ABLIM1: variants seen among roughly 807,000 people sequenced by gnomAD.
ABLIM1 encodes actin binding LIM protein 1.
In ABLIM1, 40 loss-of-function variants were observed where a neutral mutation model predicts 107.0. The observed-to-expected ratio is 0.37, with a 90% CI of 0.29 to 0.49. The LOEUF is 0.49. Ranked by LOEUF, ABLIM1 falls within the 20% of genes least tolerant of loss-of-function variation. The pLI, the probability that ABLIM1 is intolerant of heterozygous loss-of-function variation, is 0.97. For synonymous variants in ABLIM1, 357 were observed against 357.3 expected (o/e 1.00, Z 0.01); for missense variants, 857 against 1,008.5 (o/e 0.85, Z 2.04).
intron 4 of ABLIM1, among the ~76,000 whole-genome samples, chr10:114,564,680 G>T (rs2070394762): frequency 6.6e-6 from 1 of 152,110 alleles, no homozygotes; most frequent in Non-Finnish European, 1.5e-5. Flanking sequence ...CCAATTTACA[G>T]ACGAGGGCGC....
Position 114,491,012 on chromosome 10 carries a change from G to GTGTGTATATATATATATATATATATA in ABLIM1, c.982+778_982+779insTATATATATATATATATATATACACA. Among the ~76,000 whole-genome samples the GTGTGTATATATATATATATATATATA allele has an allele frequency of 1.3e-3, 121 of 92,320 alleles. 1 individual carries two copies. The highest frequency in any genetic ancestry group is 2.5e-3 in the African/African-American group (54 of 21,664). 60.6% of individuals were successfully genotyped at this position (92,320 alleles called of 152,430 possible). ...TGTGTGTGTGTGTGTGTGTGTGTGT[G>GTGTGTATATATATATATATATATATA]TATATATATATATGGTCTATTTTAT... On this transcript the variant is annotated intron_variant, in intron 7 of 22. Coordinates refer to ENST00000533213, the MANE Select transcript of ABLIM1 (RefSeq NM_002313.7).
intron 1 of ABLIM1, among the ~76,000 whole-genome samples, chr10:114,718,111 G>GGAAGGAAGAA (rs2081742151): frequency 3.7e-5 from 4 of 109,316 alleles, no homozygotes; most frequent in South Asian, 3.1e-4. Flanking sequence ...AAAAGAAAAA[G>GGAAGGAAGAA]AAAGAAAGAA....
intron 1 of ABLIM1, among the ~76,000 whole-genome samples, chr10:114,716,410 AACACACACACAC>A (rs56097544): frequency 7.0e-6 from 1 of 143,528 alleles, no homozygotes; most frequent in African/African-American, 2.6e-5. Context: ...GGTAGAGAGA[AACACACACACAC>A]ACACACACAC....
chr10:114,628,574 C>G (rs1201172886), intron 1 of ABLIM1, among the ~76,000 whole-genome samples: 1 of 152,166 alleles, frequency 6.6e-6, no homozygotes, highest in East Asian at 1.9e-4. Context: ...CGCTCTATCC[C>G]AAAAGCAAGT....
chr10:114,515,744 C>A (rs1244869140), intron 6 of ABLIM1, among the ~76,000 whole-genome samples: 1 of 152,156 alleles, frequency 6.6e-6, no homozygotes, highest in African/African-American at 2.4e-5. Flanking sequence ...TCCACTATGA[C>A]TGATGTCCTT....
chr10:114,657,732 A>T (rs2079590747), intron 1 of ABLIM1, among the ~76,000 whole-genome samples: 1 of 152,206 alleles, frequency 6.6e-6, no homozygotes, highest in South Asian at 2.1e-4. Flanking sequence ...TACATTTGTT[A>T]CTGAAGATCA....
At chr10:114,600,595 T>C (rs1329984881) in intron 2 of ABLIM1, among the ~76,000 whole-genome samples, 1 of 152,126 alleles carries the variant, frequency 6.6e-6, no homozygotes, top group Non-Finnish European at 1.5e-5. Flanking sequence ...TGGCTTAGGA[T>C]GACAATGCTA....
Position 114,627,072 on chromosome 10 carries a change from C to A in ABLIM1, c.245-25111G>T, listed in dbSNP as rs150244829. 1.6e-4 allele frequency among the ~76,000 whole-genome samples: 25 copies of A among 152,244 alleles called. 1 individual carries two copies. The highest frequency in any genetic ancestry group is 3.4e-3 in the Middle Eastern group (1 of 294). ...GACAATACATTTCTGTGGTTTAAGC[C>A]GCTCAGTCTGTGGTACTTTGTTGCA... On this transcript the variant is annotated intron_variant, in intron 1 of 22. Transcript: ENST00000533213.
chr10:114,792,557 C>T, the ABLIM1 span, among the ~76,000 whole-genome samples: 4 of 152,142 alleles, frequency 2.6e-5, no homozygotes, highest in African/African-American at 9.7e-5. Context: ...GCTTCCTGGA[C>T]ACCACTGCTT....
At chr10:114,783,808 C>T in the ABLIM1 span, among the ~76,000 whole-genome samples, 1 of 151,892 alleles carries the variant, frequency 6.6e-6, no homozygotes, top group African/African-American at 2.4e-5. Context: ...TACCAACACT[C>T]CTTCACTGAA....
chr10:114,439,673 C>A (rs2059924088), intron 20 of ABLIM1: 1 of 357,586 alleles, frequency 2.8e-6, no homozygotes, highest in Non-Finnish European at 5.1e-6. Context: ...GTCATGAGGG[C>A]AAACTGCTCT....
chr10:114,753,554 A>T (rs556292698), intron 1 of ABLIM1, among the ~76,000 whole-genome samples: 2 of 152,236 alleles, frequency 1.3e-5, no homozygotes, highest in African/African-American at 4.8e-5. Context: ...ATACTAATAC[A>T]GAAAGATCTC....
chr10:114,670,203 A>G (rs1483009471), intron 1 of ABLIM1, among the ~76,000 whole-genome samples: 3 of 152,076 alleles, frequency 2.0e-5, no homozygotes, highest in Non-Finnish European at 4.4e-5. Flanking sequence ...TTTCATTCAT[A>G]TCCTTCCCAA....
chr10:114,794,287 A>T, the ABLIM1 span, among the ~76,000 whole-genome samples: 1 of 152,186 alleles, frequency 6.6e-6, no homozygotes, highest in African/African-American at 2.4e-5. Context: ...TTGATATATT[A>T]TATCTCTTTT....
intron 2 of ABLIM1, among the ~76,000 whole-genome samples, chr10:114,589,113 C>G (rs997065452): frequency 6.7e-6 from 1 of 149,570 alleles, no homozygotes; most frequent in Non-Finnish European, 1.5e-5. Flanking sequence ...TTTAAAAACA[C>G]AAATTTTAAA....
chr10:114,452,623 A>G (rs926332828), intron 13 of ABLIM1, among the ~76,000 whole-genome samples: 13 of 152,208 alleles, frequency 8.5e-5, no homozygotes, highest in Admixed American at 8.5e-4. Flanking sequence ...TAGCTAAACA[A>G]AGCAAAAAAC....
rs759803760 is a variant in ABLIM1, at chr10:114,571,319, C to T, written c.651G>A (p.Pro217=). 1.1e-5 allele frequency: 18 copies of T among 1,614,068 alleles called. No individual in the cohort carries two copies. The highest frequency in any genetic ancestry group is 4.5e-5 in the East Asian group (2 of 44,896). The part of the protein sequence containing the change: ...QLCAQPMSSS[P]KETTFSSNCA... Reference sequence around the variant, plus strand: ...TACTGCTGGAGAAGGTGGTTTCTTTCGGACTGGACGACATCGGCTGTGCAC... The same window carrying T: ...TACTGCTGGAGAAGGTGGTTTCTTTTGGACTGGACGACATCGGCTGTGCAC... Residue 217 remains proline, a synonymous_variant, in exon 4 of 23, where the codon CCG becomes CCA. Coordinates refer to ENST00000533213, the MANE Select transcript of ABLIM1 (RefSeq NM_002313.7).
At chr10:114,550,638 A>T (rs1456222708) in intron 4 of ABLIM1, among the ~76,000 whole-genome samples, 1 of 152,138 alleles carries the variant, frequency 6.6e-6, no homozygotes, top group Non-Finnish European at 1.5e-5. Context: ...GGTAGTAATG[A>T]CATGTACCCG....
intron 1 of ABLIM1, among the ~76,000 whole-genome samples, chr10:114,678,098 T>C (rs1299507408): frequency 6.6e-6 from 1 of 152,242 alleles, no homozygotes; most frequent in East Asian, 1.9e-4. Flanking sequence ...TGTTTTAAAG[T>C]GGCATAAAAT....
Sources: allele counts gnomAD v4.1 joint callset (sites outside exome capture counted in the v4.1 genomes callset), GRCh38; gene constraint gnomAD v4.1.1; transcripts MANE v1.5; gene names NCBI Gene and HGNC (gene_info 2026-07-23, HGNC 2026-07-21).